The following PHF20 variants were observed in gnomAD, a reference collection of about 807,000 sequenced individuals.
The protein encoded by PHF20 is PHD finger protein 20.
In PHF20, 23 loss-of-function variants were observed where a neutral mutation model predicts 113.5. The observed-to-expected ratio is 0.20, with a 90% CI of 0.15 to 0.29. PHF20 has a LOEUF of 0.29. Among genes scored for constraint, PHF20 ranks in the 10% least tolerant of loss-of-function variants. The pLI, the probability that PHF20 is intolerant of heterozygous loss-of-function variation, is 1.00. For synonymous variants in PHF20, 434 were observed against 457.3 expected (o/e 0.95, Z 0.65); for missense variants, 943 against 1,219.6 (o/e 0.77, Z 3.38).
At chr20:35,882,012 A>G (rs1308525100) in intron 9 of PHF20, among the ~76,000 whole-genome samples, 1 of 152,268 alleles carries the variant, frequency 6.6e-6, no homozygotes, top group Non-Finnish European at 1.5e-5. Context: ...CTGCTGTTAT[A>G]TTAGAATAAT....
intron 9 of PHF20, among the ~76,000 whole-genome samples, chr20:35,894,491 T>A (rs1045045809): frequency 3.3e-5 from 5 of 152,248 alleles, no homozygotes; most frequent in African/African-American, 1.2e-4. Context: ...CTTTTTGTAC[T>A]ATACCATACT....
At chr20:35,828,454 TA>T (rs1237107823) in intron 2 of PHF20, among the ~76,000 whole-genome samples, 3 of 152,164 alleles carry the variant, frequency 2.0e-5, no homozygotes, top group Admixed American at 6.6e-5. Flanking sequence ...TTCTGGTATA[TA>T]GGGGGGAACA....
At chr20:35,866,801 T>C (rs1446243538) in intron 6 of PHF20, among the ~76,000 whole-genome samples, 3 of 152,194 alleles carry the variant, frequency 2.0e-5, no homozygotes, top group East Asian at 1.9e-4. Context: ...CATGACTCCA[T>C]TGAGATAAGA....
intron 6 of PHF20, among the ~76,000 whole-genome samples, chr20:35,867,719 T>C (rs1214619887): frequency 6.6e-6 from 1 of 152,178 alleles, no homozygotes; most frequent in Non-Finnish European, 1.5e-5. Context: ...CCGTGTCTTG[T>C]TGAGCCATTT....
At chr20:35,793,331 G>A (rs1162051593) in intron 1 of PHF20, among the ~76,000 whole-genome samples, 9 of 145,584 alleles carry the variant, frequency 6.2e-5, no homozygotes, top group Admixed American at 4.2e-4. Flanking sequence ...CAAGAGTCTC[G>A]CTCTGTCACC....
intron 1 of PHF20, chr20:35,782,740 T>C (rs993166463): frequency 6.6e-6 from 1 of 152,262 alleles, no homozygotes; most frequent in African/African-American, 2.4e-5. Flanking sequence ...CATTGTGTTA[T>C]GCACATTGGA....
At chr20:35,810,619 A>G (rs903093489) in intron 2 of PHF20, among the ~76,000 whole-genome samples, 6 of 152,200 alleles carry the variant, frequency 3.9e-5, no homozygotes, top group African/African-American at 7.2e-5. Flanking sequence ...CCAAGGTCAC[A>G]CAGTGGTAGG....
chr20:35,786,040 A>C (rs903468010), intron 1 of PHF20, among the ~76,000 whole-genome samples: 3 of 150,876 alleles, frequency 2.0e-5, no homozygotes, highest in South Asian at 2.1e-4. Flanking sequence ...TCAAAAAAAA[A>C]AAAAACAAAA....
chr20:35,936,598 C>T (rs927080834), intron 15 of PHF20, among the ~76,000 whole-genome samples: 1 of 152,082 alleles, frequency 6.6e-6, no homozygotes, highest in Admixed American at 6.6e-5. Context: ...AAACTTTTTT[C>T]TTTGGAATGG....
At chr20:35,904,096 GGGGAGACGTTTCACT>G (rs1265405451) in intron 10 of PHF20, among the ~76,000 whole-genome samples, 6 of 152,152 alleles carry the variant, frequency 3.9e-5, no homozygotes, top group Admixed American at 1.3e-4. Context: ...GAGTTCAGTT[GGGGAGACGTTTCACT>G]GGGAGACGTT....
intron 3 of PHF20, among the ~76,000 whole-genome samples, chr20:35,846,060 C>T (rs75471627): frequency 0.045 from 6,765 of 151,906 alleles, 185 homozygotes; most frequent in African/African-American, 0.078. Context: ...CCACTGTGTC[C>T]GGCTTATTTT....
chr20:35,880,763 C>T (rs1461703704), intron 9 of PHF20, among the ~76,000 whole-genome samples: 3 of 152,056 alleles, frequency 2.0e-5, no homozygotes, highest in African/African-American at 7.2e-5. Context: ...GAGTTCGAGA[C>T]CAGCCTGGCC....
chr20:35,878,252 C>T lies in PHF20; in HGVS notation c.1282+6423C>T, dbSNP rs181328261. Among the ~76,000 whole-genome samples, 5 of 152,240 alleles carry T rather than the reference C, an allele frequency of 3.3e-5. No homozygotes were observed. The East Asian group carries it at 9.6e-4, about 29-fold the overall frequency. On this transcript the variant is annotated intron_variant, in intron 9 of 17. Coordinates refer to ENST00000374012, the MANE Select transcript of PHF20 (RefSeq NM_016436.5). ...ACATCTGTTCTAGGCCCTTCCAGGT[C>T]TTTCTGTCCAGACGAATGGATGAGA...
intron 2 of PHF20, among the ~76,000 whole-genome samples, chr20:35,834,059 A>AAAATAAATAAAT (rs560040668): frequency 6.7e-5 from 10 of 148,246 alleles, no homozygotes; most frequent in Non-Finnish European, 1.3e-4. Flanking sequence ...TTCCGTCTCA[A>AAAATAAATAAAT]AAATAAATAA....
At chr20:35,906,926 G>A (rs768626568) in intron 10 of PHF20, among the ~76,000 whole-genome samples, 1 of 152,202 alleles carries the variant, frequency 6.6e-6, no homozygotes, top group East Asian at 1.9e-4. Context: ...CTCATGGTAG[G>A]GGACTGATAG....
At chr20:35,886,444 C>G (rs2054734560) in intron 9 of PHF20, among the ~76,000 whole-genome samples, 2 of 152,100 alleles carry the variant, frequency 1.3e-5, no homozygotes, top group Non-Finnish European at 1.5e-5. Flanking sequence ...TCTTTGATTG[C>G]TTTTTGATGC....
chr20:35,798,984 G>T (rs1260439037), intron 1 of PHF20, among the ~76,000 whole-genome samples: 1 of 152,084 alleles, frequency 6.6e-6, no homozygotes, highest in Non-Finnish European at 1.5e-5. Context: ...GCCTTTTTAT[G>T]TAATATATTG....
intron 2 of PHF20, among the ~76,000 whole-genome samples, chr20:35,808,126 A>T (rs371968945): frequency 3.9e-5 from 6 of 152,150 alleles, no homozygotes; most frequent in African/African-American, 1.4e-4. Context: ...CTCCATTTTC[A>T]TGTTCATCTT....
intron 1 of PHF20, among the ~76,000 whole-genome samples, chr20:35,798,819 T>A (rs1048110258): frequency 6.6e-6 from 1 of 151,668 alleles, no homozygotes; most frequent in African/African-American, 2.4e-5. Flanking sequence ...TGGAGTACAG[T>A]GGCACAATCA....
Sources: allele counts gnomAD v4.1 joint callset (sites outside exome capture counted in the v4.1 genomes callset), GRCh38; gene constraint gnomAD v4.1.1; transcripts MANE v1.5; gene names NCBI Gene and HGNC (gene_info 2026-07-23, HGNC 2026-07-21).